The following ELMO1 variants were observed in gnomAD, a reference collection of about 807,000 sequenced individuals.
ELMO1 encodes engulfment and cell motility protein 1.
In ELMO1, 26 loss-of-function variants were observed where a neutral mutation model predicts 98.9. That is an observed-to-expected ratio of 0.26 (90% CI 0.19 to 0.36). ELMO1 has a LOEUF of 0.36. Among genes scored for constraint, ELMO1 ranks in the 10% least tolerant of loss-of-function variants. ELMO1 has a pLI of 1.00. For synonymous variants in ELMO1, 346 were observed against 346.0 expected (o/e 1.00, Z 0.00); for missense variants, 627 against 935.2 (o/e 0.67, Z 4.30).
intron 15 of ELMO1, among the ~76,000 whole-genome samples, chr7:37,063,899 G>A (rs1562976711): frequency 6.6e-6 from 1 of 152,122 alleles, no homozygotes; most frequent in African/African-American, 2.4e-5. Flanking sequence ...GCCCCCTCCT[G>A]CCACCACAAC....
intron 16 of ELMO1, among the ~76,000 whole-genome samples, chr7:36,941,609 T>C (rs879033524): frequency 1.3e-5 from 2 of 152,216 alleles, no homozygotes; most frequent in Admixed American, 1.3e-4. Flanking sequence ...ATTTCTCAGT[T>C]CCCTTTAGAA....
chr7:36,944,386 A>G (rs1317012612), intron 16 of ELMO1, among the ~76,000 whole-genome samples: 1 of 152,158 alleles, frequency 6.6e-6, no homozygotes, highest in African/African-American at 2.4e-5. Flanking sequence ...ACTTGACCAA[A>G]GTCCACCAGC....
intron 1 of ELMO1, among the ~76,000 whole-genome samples, chr7:37,420,817 C>T (rs1214156921): frequency 6.6e-6 from 1 of 152,236 alleles, no homozygotes; most frequent in Non-Finnish European, 1.5e-5. Context: ...TAAAGCAAAG[C>T]CTTCCAAAAC....
chr7:37,177,930 C>T (rs1790583893), intron 13 of ELMO1, among the ~76,000 whole-genome samples: 2 of 152,164 alleles, frequency 1.3e-5, no homozygotes, highest in Non-Finnish European at 2.9e-5. Flanking sequence ...AAATGCCCCT[C>T]CCCCAAACTC....
intron 16 of ELMO1, among the ~76,000 whole-genome samples, chr7:36,899,529 C>A (rs948751341): frequency 6.6e-6 from 1 of 152,078 alleles, no homozygotes; most frequent in Admixed American, 6.6e-5. Context: ...ACATTAGTAG[C>A]TTTTGGCAAA....
chr7:37,104,010 C>CAAAAAA (rs35979251), intron 14 of ELMO1, among the ~76,000 whole-genome samples: 301 of 29,012 alleles, frequency 0.01, 10 homozygotes, highest in Non-Finnish European at 0.015. Flanking sequence ...GACTCCATCT[C>CAAAAAA]AAAAAAAAAA....
rs73689679 is a variant in ELMO1, at chr7:36,892,342, G to T, written c.1601+2512C>A. On this transcript the variant is annotated intron_variant, in intron 17 of 21. Transcript: ENST00000310758. ...TGGCCTTAAGGGTGATTTTCAGCTC[G>T]AAAATCCCAATATCCTAACCCTCAA... 2.3e-3 allele frequency among the ~76,000 whole-genome samples: 353 copies of T among 152,202 alleles called. 1 individual carries two copies. The highest frequency in any genetic ancestry group is 7.9e-3 in the African/African-American group (329 of 41,532).
chr7:36,870,270 T>C lies in ELMO1; in HGVS notation c.1905+123A>G. 1 of 745,516 alleles carries C rather than the reference T, an allele frequency of 1.3e-6. No homozygotes were observed. 46.2% of individuals were successfully genotyped at this position (745,516 alleles called of 1,614,324 possible). ...CGGGACAGGAAACAGGAGAGCTGAATAAGAGATGTGTGTCTGAACACACGC... is the reference window on the plus strand; with the variant it reads ...CGGGACAGGAAACAGGAGAGCTGAACAAGAGATGTGTGTCTGAACACACGC... On this transcript the variant is annotated intron_variant, in intron 20 of 21. Coordinates refer to ENST00000310758, the MANE Select transcript of ELMO1 (RefSeq NM_014800.11). This position sits in a 1 kb window ranked among gnomAD's most constrained non-coding sequence, Gnocchi z 4.4.
intron 4 of ELMO1, among the ~76,000 whole-genome samples, chr7:37,290,829 A>C (rs559396739): frequency 6.6e-6 from 1 of 151,344 alleles, no homozygotes; most frequent in Non-Finnish European, 1.5e-5. Context: ...TGGAGGAGTA[A>C]AAGGCAGAAG....
chr7:37,219,913 C>T (rs911921065), intron 10 of ELMO1, among the ~76,000 whole-genome samples: 7 of 152,220 alleles, frequency 4.6e-5, no homozygotes, highest in Admixed American at 1.3e-4. Context: ...GTCAATTTTC[C>T]TATTTGCCAA....
At chr7:36,911,806 C>T (rs1298946769) in intron 16 of ELMO1, among the ~76,000 whole-genome samples, 1 of 152,212 alleles carries the variant, frequency 6.6e-6, no homozygotes. Flanking sequence ...CATCGGCCAA[C>T]TCTCAGCTAT....
At chr7:37,335,576 A>G (rs1341148898) in intron 2 of ELMO1, among the ~76,000 whole-genome samples, 2 of 152,178 alleles carry the variant, frequency 1.3e-5, no homozygotes, top group Admixed American at 1.3e-4. Flanking sequence ...TAAACTGATA[A>G]ACTTTTTTCA....
intron 4 of ELMO1, among the ~76,000 whole-genome samples, chr7:37,292,641 C>T (rs1341822263): frequency 8.5e-6 from 1 of 117,606 alleles, no homozygotes; most frequent in African/African-American, 2.8e-5. Flanking sequence ...CTGGACGCCC[C>T]GTCTGAGAAG....
In ELMO1 at chr7:37,448,759, G is replaced by A. The variant is rs1805774050; in HGVS notation, c.-158C>T. ...CCGCCACCATTGAAGGGGAACTGGA[G>A]GCTCTGTCGCCCAGCGTGGGGCCGC... On this transcript the variant is annotated 5_prime_UTR_variant, in exon 1 of 22. Transcript: ENST00000310758. 6.5e-6 allele frequency: 1 copy of A among 153,010 alleles called. No homozygotes were observed. The highest frequency in any genetic ancestry group is 2.4e-5 in the African/African-American group (1 of 41,476). The allele number at this position is 153,010 out of a possible 1,614,324, so 9.5% of individuals were successfully genotyped here.
At chr7:37,068,441 T>G (rs1426054581) in intron 15 of ELMO1, among the ~76,000 whole-genome samples, 1 of 152,216 alleles carries the variant, frequency 6.6e-6, no homozygotes, top group Non-Finnish European at 1.5e-5. Context: ...TGACACTTAT[T>G]GTCAACATTA....
chr7:37,022,883 A>T (rs1417424561), intron 15 of ELMO1, among the ~76,000 whole-genome samples: 2 of 152,234 alleles, frequency 1.3e-5, no homozygotes, highest in Non-Finnish European at 2.9e-5. Flanking sequence ...ATACAGCAGC[A>T]TACTTACTAC....
chr7:37,433,501 T>G lies in ELMO1; in HGVS notation c.-74+15174A>C, dbSNP rs545902127. Among the ~76,000 whole-genome samples the G allele has an allele frequency of 2.0e-5, 3 of 152,278 alleles. No homozygotes were observed. In the South Asian group the frequency reaches 6.2e-4, roughly 32 times the overall value. ...ACTCACAAAGGAAGCCAGAGGCCTC[T>G]ATCTCCCAGCCCACCAAACTGCCAG... On this transcript the variant is annotated intron_variant, in intron 1 of 21. Transcript: ENST00000310758.
chr7:36,893,783 T>C (rs1240771297), intron 17 of ELMO1, among the ~76,000 whole-genome samples: 1 of 152,154 alleles, frequency 6.6e-6, no homozygotes, highest in Non-Finnish European at 1.5e-5. Flanking sequence ...AAGACCTGCC[T>C]ATCCTAGCCT....
intron 15 of ELMO1, among the ~76,000 whole-genome samples, chr7:37,030,187 C>T (rs1794800638): frequency 6.6e-6 from 1 of 152,116 alleles, no homozygotes; most frequent in South Asian, 2.1e-4. Flanking sequence ...AAGGATGAGA[C>T]TAAACATAAG....
Sources: allele counts gnomAD v4.1 joint callset (sites outside exome capture counted in the v4.1 genomes callset), GRCh38; gene constraint gnomAD v4.1.1; non-coding constraint Gnocchi (gnomAD v3.1); transcripts MANE v1.5; gene names NCBI Gene and HGNC (gene_info 2026-07-23, HGNC 2026-07-21).